NRXN3: variants seen among roughly 807,000 people sequenced by gnomAD.
The protein encoded by NRXN3 is neurexin 3.
A neutral mutation model predicts 137.6 loss-of-function variants in NRXN3; 32 were observed. The observed-to-expected ratio is 0.23, with a 90% confidence interval of 0.18 to 0.31. The LOEUF (loss-of-function observed/expected upper bound fraction) is 0.31. Ranked by LOEUF, NRXN3 falls within the 10% of genes least tolerant of loss-of-function variation. The pLI, the probability that NRXN3 is intolerant of heterozygous loss-of-function variation, is 1.00. For synonymous variants in NRXN3, 798 were observed against 784.5 expected, an observed-to-expected ratio of 1.02 and a Z score of -0.29; for missense variants, 1,574 against 2,062.5, an observed-to-expected ratio of 0.76 and a Z score of 4.59.
chr14:79,852,417 G>T (rs936272279), intron 20 of NRXN3, among the ~76,000 whole-genome samples: 1 of 151,996 alleles, frequency 6.6e-6, no homozygotes, highest in Non-Finnish European at 1.5e-5. Context: ...ATCCTAGCTT[G>T]CTGTTCTGTT....
intron 4 of NRXN3, chr14:78,300,717 T>G (rs545252639): frequency 1.1e-4 from 159 of 1,471,938 alleles, no homozygotes; most frequent in Middle Eastern, 8.5e-4. Flanking sequence ...TTTTTATCAT[T>G]ATAACTATCA....
At chr14:79,698,017 C>G in intron 19 of NRXN3, 80 bp downstream of exon 19, 1 of 1,301,102 alleles carries the variant, frequency 7.7e-7, no homozygotes, top group African/African-American at 1.5e-5. Context: ...CTTTATGTAG[C>G]TAAAGAGTTT....
At chr14:79,094,942 G>GA (rs1187215982) in intron 15 of NRXN3, among the ~76,000 whole-genome samples, 1 of 122,580 alleles carries the variant, frequency 8.2e-6, no homozygotes, top group African/African-American at 3.6e-5. Context: ...GCTTCTGAGA[G>GA]AGAGAAAGAG....
chr14:79,854,906 C>T (rs1416712184), intron 20 of NRXN3, among the ~76,000 whole-genome samples: 1 of 152,126 alleles, frequency 6.6e-6, no homozygotes, highest in African/African-American at 2.4e-5. Flanking sequence ...ATGCAGATAT[C>T]AAGAATCCCA....
intron 4 of NRXN3, among the ~76,000 whole-genome samples, chr14:78,618,261 T>A (rs2152492244): frequency 6.7e-6 from 1 of 150,026 alleles, no homozygotes; most frequent in East Asian, 1.9e-4. Context: ...GCTATACCTT[T>A]TTTTTTTTTT....
chr14:78,415,553 T>C lies in NRXN3; in HGVS notation c.757+117693T>C, dbSNP rs560239992. Among the ~76,000 whole-genome samples the C allele has an allele frequency of 1.8e-3, 272 of 152,266 alleles. 1 individual carries two copies. The highest frequency in any genetic ancestry group is 6.4e-3 in the African/African-American group (266 of 41,550). ...ACAGGAAGGCTCCTTCACAAGACCT[T>C]CACAACTCCTCTCCTTGCTCAATTG... On this transcript the variant is annotated intron_variant, in intron 4 of 20. Transcript: ENST00000335750.
At chr14:78,324,931 A>G (rs1039763968) in intron 4 of NRXN3, among the ~76,000 whole-genome samples, 1 of 151,928 alleles carries the variant, frequency 6.6e-6, no homozygotes, top group African/African-American at 2.4e-5. Context: ...TGGAAGAACA[A>G]CTAAACTCCT....
intron 10 of NRXN3, among the ~76,000 whole-genome samples, chr14:78,810,829 G>T (rs2098908441): frequency 1.3e-5 from 2 of 152,192 alleles, no homozygotes; most frequent in Non-Finnish European, 2.9e-5. Flanking sequence ...TAGCAGGTGG[G>T]CAGATCACTG....
chr14:78,552,359 A>G (rs1217891950), intron 4 of NRXN3, among the ~76,000 whole-genome samples: 1 of 152,248 alleles, frequency 6.6e-6, no homozygotes, highest in African/African-American at 2.4e-5. Context: ...GTGATAAAGG[A>G]AAGCCTGAGT....
At chr14:79,694,003 A>G (rs573880058) in intron 18 of NRXN3, among the ~76,000 whole-genome samples, 113 of 152,098 alleles carry the variant, frequency 7.4e-4, no homozygotes, top group African/African-American at 2.7e-3. Flanking sequence ...TCCCTTCAAA[A>G]GGAATAAAAT....
intron 15 of NRXN3, among the ~76,000 whole-genome samples, chr14:79,170,385 C>T (rs1372459344): frequency 6.6e-6 from 1 of 151,954 alleles, no homozygotes; most frequent in Non-Finnish European, 1.5e-5. Flanking sequence ...TCTAGAACTC[C>T]AAGTAAACTA....
At chr14:78,995,121 C>A (rs2099527264) in intron 15 of NRXN3, among the ~76,000 whole-genome samples, 1 of 152,156 alleles carries the variant, frequency 6.6e-6, no homozygotes, top group Non-Finnish European at 1.5e-5. Flanking sequence ...TCCATGTGGG[C>A]AAGTCTTCAC....
chr14:79,237,242 T>C (rs1165345638), intron 15 of NRXN3, among the ~76,000 whole-genome samples: 1 of 152,100 alleles, frequency 6.6e-6, no homozygotes, highest in Non-Finnish European at 1.5e-5. Context: ...ACACATGTTT[T>C]TAAAAAAGGA....
At chr14:79,588,461 T>TA (rs1438590519) in intron 16 of NRXN3, among the ~76,000 whole-genome samples, 1 of 152,238 alleles carries the variant, frequency 6.6e-6, no homozygotes, top group Non-Finnish European at 1.5e-5. Context: ...TGTTAGTTTT[T>TA]AATCAGGAGG....
chr14:78,701,722 A>G (rs2098281168), intron 6 of NRXN3, among the ~76,000 whole-genome samples: 1 of 152,218 alleles, frequency 6.6e-6, no homozygotes. Context: ...TTAAAAATTA[A>G]TTAACTGTCA....
intron 8 of NRXN3, among the ~76,000 whole-genome samples, chr14:78,760,187 C>A (rs997698962): frequency 1.3e-5 from 2 of 151,232 alleles, no homozygotes; most frequent in East Asian, 2.0e-4. Context: ...TGGGACTAGG[C>A]GCCCACCACC....
chr14:78,662,234 A>T (rs998735856), intron 6 of NRXN3, among the ~76,000 whole-genome samples: 11 of 145,038 alleles, frequency 7.6e-5, no homozygotes, highest in Non-Finnish European at 1.5e-4. Context: ...GCTGAGCTGT[A>T]AAAAAAAAAA....
chr14:78,580,962 A>G (rs2096988399), intron 4 of NRXN3, among the ~76,000 whole-genome samples: 1 of 152,216 alleles, frequency 6.6e-6, no homozygotes, highest in Admixed American at 6.5e-5. Flanking sequence ...CTGTCACATC[A>G]TACTGTTCTA....
chr14:78,588,260 CA>C (rs966828775), intron 4 of NRXN3, among the ~76,000 whole-genome samples: 1 of 152,188 alleles, frequency 6.6e-6, no homozygotes, highest in Non-Finnish European at 1.5e-5. Context: ...ACTCACCACT[CA>C]ATCATTCTCC....
Sources: allele counts gnomAD v4.1 joint callset (sites outside exome capture counted in the v4.1 genomes callset), GRCh38; gene constraint gnomAD v4.1.1; transcripts MANE v1.5; gene names NCBI Gene and HGNC (gene_info 2026-07-23, HGNC 2026-07-21).